OSBPL6: variants seen among roughly 807,000 people sequenced by gnomAD.
OSBPL6 encodes the protein oxysterol binding protein like 6, also known as oxysterol-binding protein-related protein 6.
In OSBPL6, 49 loss-of-function variants were observed where a neutral mutation model predicts 125.8. The ratio of observed to expected loss-of-function variants is 0.39; its 90% CI spans 0.31 to 0.49. OSBPL6 has a LOEUF of 0.49. OSBPL6 is among the 20% of genes least tolerant of loss of function. The pLI is 0.88. For synonymous variants in OSBPL6, 394 were observed against 391.8 expected (o/e 1.01, Z -0.07); for missense variants, 986 against 1,135.4 (o/e 0.87, Z 1.89).
chr2:178,208,987 G>C lies in OSBPL6; in HGVS notation c.-351+14313G>C, dbSNP rs2089699446. Among the ~76,000 whole-genome samples the C allele has an allele frequency of 2.0e-5, 3 of 152,170 alleles. No individual in the cohort carries two copies. The Middle Eastern group carries it at 0.01, about 518-fold the overall frequency. ...AGAATATTCAAGGCTTTAGTCCACT[G>C]CCCCCTAGCTTCTGAACTTACTGTT... On this transcript the variant is annotated intron_variant, in intron 1 of 24. Transcript: ENST00000190611.
intron 15 of OSBPL6, among the ~76,000 whole-genome samples, chr2:178,376,455 C>T (rs1390930460): frequency 6.6e-6 from 1 of 152,146 alleles, no homozygotes; most frequent in Non-Finnish European, 1.5e-5. Context: ...CCTGCAGCTT[C>T]AGTGCCACTG....
intron 1 of OSBPL6, among the ~76,000 whole-genome samples, chr2:178,270,444 C>T (rs1298178267): frequency 2.6e-5 from 4 of 152,162 alleles, no homozygotes; most frequent in African/African-American, 4.8e-5. Flanking sequence ...TTAGTAGCCA[C>T]ATTTCACAGA....
Position 178,372,194 on chromosome 2 carries a change from T to C in OSBPL6, c.1356T>C (p.Asp452=). 3.7e-6 allele frequency: 6 copies of C among 1,613,264 alleles called. No homozygotes were observed. Among genetic ancestry groups the C allele is most frequent in the Non-Finnish European group, 5.1e-6 (6 of 1,179,444 alleles). ...TACATTCAGAGTCTATTATTTGTGA[T>C]CAGGTTGTCAGTGTAAATATTATTC... ...NRIHSESIIC[D]QVVSVNIIPS... The change falls in exon 14 of 25, where the codon GAT becomes GAC. Residue 452 remains aspartate, a synonymous_variant. Transcript: ENST00000190611.
chr2:178,240,780 C>T (rs2091258457), intron 1 of OSBPL6, among the ~76,000 whole-genome samples: 3 of 152,028 alleles, frequency 2.0e-5, no homozygotes, highest in Non-Finnish European at 2.9e-5. Context: ...TAGCTGAGAA[C>T]CATTCACATA....
At chr2:178,317,287 A>C (rs1462500612) in intron 3 of OSBPL6, among the ~76,000 whole-genome samples, 1 of 151,154 alleles carries the variant, frequency 6.6e-6, no homozygotes, top group Non-Finnish European at 1.5e-5. Flanking sequence ...AGTATGAAGG[A>C]TATTATGCCA....
intron 1 of OSBPL6, among the ~76,000 whole-genome samples, chr2:178,206,631 T>C (rs2089546025): frequency 6.6e-6 from 1 of 152,110 alleles, no homozygotes; most frequent in South Asian, 2.1e-4. Flanking sequence ...TGTTTTTGTT[T>C]TGAGATGGAG....
chr2:178,322,596 G>A (rs1469071581), intron 3 of OSBPL6, among the ~76,000 whole-genome samples: 2 of 151,954 alleles, frequency 1.3e-5, no homozygotes, highest in Non-Finnish European at 2.9e-5. Flanking sequence ...AATAAATAAC[G>A]TATTTCACTG....
intron 1 of OSBPL6, among the ~76,000 whole-genome samples, chr2:178,281,800 G>A (rs1393549572): frequency 6.6e-6 from 1 of 151,046 alleles, no homozygotes; most frequent in East Asian, 1.9e-4. Context: ...GGTCTGTGGT[G>A]AGGGGGGTGG....
At chr2:178,391,256 T>C (rs370746419) in intron 22 of OSBPL6, 39 bp downstream of exon 22, 1 of 1,542,692 alleles carries the variant, frequency 6.5e-7, no homozygotes, top group Non-Finnish European at 8.7e-7. Flanking sequence ...AGGAGGGCAC[T>C]ATGGACAACA....
intron 12 of OSBPL6, 111 bp downstream of exon 12, chr2:178,349,500 G>A (rs1559278639): frequency 7.7e-7 from 1 of 1,304,498 alleles, no homozygotes; most frequent in South Asian, 1.4e-5. Flanking sequence ...TTAAATGGTT[G>A]GATATAGTGG....
At chr2:178,335,624 T>A (rs1044216087) in intron 8 of OSBPL6, among the ~76,000 whole-genome samples, 1 of 152,234 alleles carries the variant, frequency 6.6e-6, no homozygotes, top group African/African-American at 2.4e-5. Context: ...TAAAGTCAAC[T>A]ATGGAGTTTT....
chr2:178,354,087 C>T lies in OSBPL6; in HGVS notation c.1153+4698C>T, dbSNP rs552995268. The stretch of plus-strand genomic sequence containing the variant: ...GCCTTACATGAGCTCCTGAAGGAAG[C>T]ACTAAACATGGAAAGAAACAACTGG... On this transcript the variant is annotated intron_variant, in intron 12 of 24. Transcript: ENST00000190611. Among the ~76,000 whole-genome samples, 3 of 152,280 alleles carry T rather than the reference C, an allele frequency of 2.0e-5. No individual in the cohort carries two copies. The East Asian group carries it at 5.8e-4, about 29-fold the overall frequency.
chr2:178,348,183 C>G (rs1230672794), intron 11 of OSBPL6, among the ~76,000 whole-genome samples: 1 of 152,104 alleles, frequency 6.6e-6, no homozygotes, highest in Non-Finnish European at 1.5e-5. Context: ...CATACATATC[C>G]ATCAGAAGGT....
intron 1 of OSBPL6, among the ~76,000 whole-genome samples, chr2:178,223,888 C>T (rs1029235826): frequency 1.3e-5 from 2 of 152,188 alleles, no homozygotes; most frequent in Admixed American, 6.5e-5. Context: ...TGCACAGAGA[C>T]TTTGCCTTTA....
chr2:178,364,361 T>C (rs1574976909), intron 13 of OSBPL6, among the ~76,000 whole-genome samples: 1 of 152,314 alleles, frequency 6.6e-6, no homozygotes, highest in East Asian at 1.9e-4. Context: ...TGGTACAGTA[T>C]GGAGGGTAGG....
At chr2:178,283,542 G>A (rs1684418367) in intron 1 of OSBPL6, among the ~76,000 whole-genome samples, 1 of 152,142 alleles carries the variant, frequency 6.6e-6, no homozygotes, top group African/African-American at 2.4e-5. Flanking sequence ...CAGGATCAGA[G>A]AGTAACTTCT....
At chr2:178,282,268 A>C (rs1684272327) in intron 1 of OSBPL6, among the ~76,000 whole-genome samples, 1 of 152,250 alleles carries the variant, frequency 6.6e-6, no homozygotes, top group Non-Finnish European at 1.5e-5. Context: ...AAGGACACAC[A>C]CACACAGCAT....
intron 2 of OSBPL6, among the ~76,000 whole-genome samples, chr2:178,297,498 A>G (rs759960733): frequency 4.6e-5 from 7 of 152,208 alleles, no homozygotes; most frequent in African/African-American, 1.4e-4. Flanking sequence ...AGCACAATCA[A>G]TGTTATTTAA....
intron 8 of OSBPL6, among the ~76,000 whole-genome samples, chr2:178,333,541 A>T (rs1191016779): frequency 6.6e-6 from 1 of 152,262 alleles, no homozygotes; most frequent in Admixed American, 6.5e-5. Flanking sequence ...AGTATAAATT[A>T]GGCAGAAATG....
Sources: gnomAD v4.1 joint callset for allele counts (sites outside exome capture counted in the v4.1 genomes callset) on GRCh38, gnomAD v4.1.1 for gene constraint, MANE v1.5 for transcripts, NCBI Gene and HGNC (gene_info 2026-07-23, HGNC 2026-07-21) for gene names.